CABLES1: variants seen among roughly 807,000 people sequenced by gnomAD.
The protein encoded by CABLES1 is Cdk5 and Abl enzyme substrate 1.
A neutral mutation model predicts 57.8 loss-of-function variants in CABLES1; 36 were observed. The ratio of observed to expected loss-of-function variants is 0.62; its 90% confidence interval spans 0.48 to 0.82. CABLES1 has a LOEUF of 0.82. Among genes scored for constraint, CABLES1 ranks in the 40% least tolerant of loss-of-function variants. The pLI, the probability that CABLES1 is intolerant of heterozygous loss-of-function variation, is 0.00. For synonymous variants in CABLES1, 374 were observed against 363.0 expected, an observed-to-expected ratio of 1.03 and a Z score of -0.35; for missense variants, 767 against 836.6, an observed-to-expected ratio of 0.92 and a Z score of 1.03.
At chr18:23,231,902 G>T (rs898548270) in intron 4 of CABLES1, among the ~76,000 whole-genome samples, 1 of 152,144 alleles carries the variant, frequency 6.6e-6, no homozygotes, top group African/African-American at 2.4e-5. Flanking sequence ...CAGACAGCTG[G>T]CCAGGACAAG....
At chr18:23,235,104 A>G (rs544956294) in intron 5 of CABLES1, among the ~76,000 whole-genome samples, 1 of 152,292 alleles carries the variant, frequency 6.6e-6, no homozygotes, top group African/African-American at 2.4e-5. Flanking sequence ...TCAGTCTTAC[A>G]CTGTGACCAC....
chr18:23,251,818 G>T (rs558177886), intron 7 of CABLES1, among the ~76,000 whole-genome samples: 1 of 152,210 alleles, frequency 6.6e-6, no homozygotes, highest in South Asian at 2.1e-4. Flanking sequence ...AGGCGCGGTG[G>T]CTCACGCCTG....
chr18:23,199,949 G>A (rs1297992372), intron 3 of CABLES1, among the ~76,000 whole-genome samples: 1 of 152,178 alleles, frequency 6.6e-6, no homozygotes, highest in Admixed American at 6.5e-5. Context: ...CGAATTTCCT[G>A]GGATGATGGT....
intron 2 of CABLES1, among the ~76,000 whole-genome samples, chr18:23,192,656 C>A (rs1406752125): frequency 6.6e-6 from 1 of 152,218 alleles, no homozygotes; most frequent in Non-Finnish European, 1.5e-5. Context: ...TATAAGGATG[C>A]TTCTGAACCC....
intron 7 of CABLES1, among the ~76,000 whole-genome samples, chr18:23,251,632 A>G (rs888590997): frequency 1.3e-5 from 2 of 152,230 alleles, no homozygotes; most frequent in Non-Finnish European, 2.9e-5. Flanking sequence ...AAGGACTCCA[A>G]GGATCCTTTA....
intron 1 of CABLES1, among the ~76,000 whole-genome samples, chr18:23,171,615 A>C (rs189821804): frequency 3.3e-4 from 51 of 152,272 alleles, no homozygotes; most frequent in African/African-American, 1.2e-3. Context: ...CCTGTTTTTC[A>C]GAGCAGGACC....
intron 1 of CABLES1, among the ~76,000 whole-genome samples, chr18:23,181,718 G>C (rs909024866): frequency 2.6e-5 from 4 of 152,140 alleles, no homozygotes; most frequent in Non-Finnish European, 5.9e-5. Flanking sequence ...GGCTGTGACA[G>C]CATGGCCCCT....
At chr18:23,194,600 AG>A in intron 3 of CABLES1, 60 bp downstream of exon 3, 1 of 1,158,224 alleles carries the variant, frequency 8.6e-7, no homozygotes, top group Non-Finnish European at 1.3e-6. Context: ...GGACTGGAGG[AG>A]GGGACAGTTT....
intron 5 of CABLES1, 81 bp downstream of exon 5, chr18:23,234,785 G>A: frequency 8.6e-7 from 1 of 1,164,616 alleles, no homozygotes; most frequent in Non-Finnish European, 1.3e-6. Flanking sequence ...CAGCCCACAA[G>A]CCTCTCTTGA....
chr18:23,240,765 C>T (rs188663507), intron 7 of CABLES1, among the ~76,000 whole-genome samples: 23 of 152,368 alleles, frequency 1.5e-4, no homozygotes, highest in Non-Finnish European at 5.9e-5. Context: ...GAGGCGCCCA[C>T]CTGAAATCCT....
At chr18:23,239,757 A>T (rs1021965431) in intron 7 of CABLES1, among the ~76,000 whole-genome samples, 1 of 152,130 alleles carries the variant, frequency 6.6e-6, no homozygotes, top group African/African-American at 2.4e-5. Context: ...GTGAGTGGGG[A>T]TGTCAGAGAG....
chr18:23,229,132 GC>G (rs2047548736), intron 4 of CABLES1, among the ~76,000 whole-genome samples: 1 of 152,200 alleles, frequency 6.6e-6, no homozygotes, highest in South Asian at 2.1e-4. Flanking sequence ...AATTAGTAGG[GC>G]CAGGCACGGT....
At chr18:23,145,862 A>G (rs1378931291) in intron 1 of CABLES1, among the ~76,000 whole-genome samples, 1 of 152,226 alleles carries the variant, frequency 6.6e-6, no homozygotes. Flanking sequence ...TTATTACTGC[A>G]CATTTGGTCA....
chr18:23,147,015 T>G (rs1422851196), intron 1 of CABLES1, among the ~76,000 whole-genome samples: 1 of 152,194 alleles, frequency 6.6e-6, no homozygotes, highest in Non-Finnish European at 1.5e-5. Flanking sequence ...AAAGAAATAT[T>G]GTGCTATAGT....
At chr18:23,159,069 G>A (rs935097168) in intron 1 of CABLES1, among the ~76,000 whole-genome samples, 4 of 152,168 alleles carry the variant, frequency 2.6e-5, no homozygotes, top group Admixed American at 2.6e-4. Context: ...GAGTTCAAGC[G>A]ATTCTCCTGC....
chr18:23,182,032 G>A (rs774025629), intron 1 of CABLES1, among the ~76,000 whole-genome samples: 12 of 152,188 alleles, frequency 7.9e-5, no homozygotes, highest in Non-Finnish European at 1.5e-4. Context: ...CAGCCAGGAA[G>A]GGGGGTACAC....
intron 4 of CABLES1, among the ~76,000 whole-genome samples, chr18:23,219,534 TGA>T (rs1388026317): frequency 6.6e-6 from 1 of 152,172 alleles, no homozygotes; most frequent in East Asian, 1.9e-4. Flanking sequence ...CCTGCCCTGT[TGA>T]GAGATTTAGT....
intron 7 of CABLES1, among the ~76,000 whole-genome samples, chr18:23,249,445 G>A (rs940197638): frequency 3.9e-5 from 6 of 152,210 alleles, no homozygotes; most frequent in Admixed American, 3.9e-4. Context: ...GAAGCCCTGG[G>A]TCTTTGGCAC....
chr18:23,207,100 G>A (rs1343785415), intron 3 of CABLES1, among the ~76,000 whole-genome samples: 1 of 152,102 alleles, frequency 6.6e-6, no homozygotes, highest in Non-Finnish European at 1.5e-5. Flanking sequence ...TGTGAGCCAC[G>A]GTGCCCAGCA....
Sources: allele counts gnomAD v4.1 joint callset (sites outside exome capture counted in the v4.1 genomes callset), GRCh38; gene constraint gnomAD v4.1.1; transcripts MANE v1.5; gene names NCBI Gene and HGNC (gene_info 2026-07-23, HGNC 2026-07-21).